CDK14: variants seen among roughly 807,000 people sequenced by gnomAD.
The protein encoded by CDK14 is cyclin dependent kinase 14.
In CDK14, 34 loss-of-function variants were observed where a neutral mutation model predicts 60.7. The observed-to-expected ratio is 0.56, with a 90% CI of 0.43 to 0.75. The LOEUF (loss-of-function observed/expected upper bound fraction) is 0.75. Ranked by LOEUF, CDK14 falls within the 30% of genes least tolerant of loss-of-function variation. CDK14 has a pLI of 0.00. For synonymous variants in CDK14, 197 were observed against 203.7 expected (o/e 0.97, Z 0.28); for missense variants, 482 against 564.1 (o/e 0.85, Z 1.47).
chr7:91,132,965 C>G (rs1800162792), intron 14 of CDK14, among the ~76,000 whole-genome samples: 1 of 151,994 alleles, frequency 6.6e-6, no homozygotes, highest in South Asian at 2.1e-4. Flanking sequence ...AAAGAATATG[C>G]CTTTTCTATT....
intron 2 of CDK14, among the ~76,000 whole-genome samples, chr7:90,659,867 CTCTCTCTCTGTG>C (rs1259751229): frequency 2.0e-5 from 3 of 148,678 alleles, no homozygotes; most frequent in Non-Finnish European, 4.5e-5. Flanking sequence ...CTCTCTCTCT[CTCTCTCTCTGTG>C]TGTGTGTGTG....
intron 5 of CDK14, among the ~76,000 whole-genome samples, chr7:90,820,166 G>A (rs1789494425): frequency 6.6e-6 from 1 of 152,130 alleles, no homozygotes; most frequent in Non-Finnish European, 1.5e-5. Flanking sequence ...GACCCTTGCA[G>A]CACTTAACTG....
chr7:90,949,125 T>A (rs1038225501), intron 8 of CDK14, among the ~76,000 whole-genome samples: 2 of 152,234 alleles, frequency 1.3e-5, no homozygotes, highest in Non-Finnish European at 2.9e-5. Flanking sequence ...TTTGGAATGC[T>A]TATATTAAAA....
At chr7:90,846,930 A>G (rs1790488595) in intron 5 of CDK14, among the ~76,000 whole-genome samples, 1 of 152,084 alleles carries the variant, frequency 6.6e-6, no homozygotes, top group African/African-American at 2.4e-5. Context: ...CCATTTCCCC[A>G]AAGCTCTCCT....
chr7:90,912,245 G>A (rs1242584196), intron 7 of CDK14, among the ~76,000 whole-genome samples: 5 of 152,012 alleles, frequency 3.3e-5, no homozygotes, highest in Admixed American at 1.3e-4. Context: ...AGTTCAGCAC[G>A]TGAATTTGTC....
intron 4 of CDK14, among the ~76,000 whole-genome samples, chr7:90,788,577 TA>T (rs1374804512): frequency 6.6e-6 from 1 of 152,208 alleles, no homozygotes. Flanking sequence ...TGGAGCCTTA[TA>T]ATCAGGTCTC....
chr7:91,153,662 C>A (rs1364095668), intron 14 of CDK14, among the ~76,000 whole-genome samples: 3 of 151,972 alleles, frequency 2.0e-5, no homozygotes, highest in East Asian at 3.9e-4. Context: ...TTCTTACTTA[C>A]AAGTCAGAAG....
chr7:90,674,394 G>A (rs1563040250), intron 2 of CDK14, among the ~76,000 whole-genome samples: 2 of 152,162 alleles, frequency 1.3e-5, no homozygotes, highest in Admixed American at 6.5e-5. Flanking sequence ...TATCAGTCTT[G>A]AGAGAGGATA....
chr7:90,628,021 C>T (rs1799911366), intron 2 of CDK14, among the ~76,000 whole-genome samples: 1 of 152,204 alleles, frequency 6.6e-6, no homozygotes, highest in Non-Finnish European at 1.5e-5. Context: ...GTGGTGCAAT[C>T]ATGGCTCACT....
chr7:90,957,529 A>G (rs1794466303), intron 9 of CDK14, among the ~76,000 whole-genome samples: 1 of 151,938 alleles, frequency 6.6e-6, no homozygotes, highest in Non-Finnish European at 1.5e-5. Flanking sequence ...TCAATGTACA[A>G]AAATCACAAG....
intron 2 of CDK14, among the ~76,000 whole-genome samples, chr7:90,629,621 T>C (rs1799949577): frequency 6.6e-6 from 1 of 152,216 alleles, no homozygotes; most frequent in Admixed American, 6.5e-5. Flanking sequence ...CATTCTGTAG[T>C]GTACAGAACA....
chr7:90,951,193 T>G (rs1794250536), intron 8 of CDK14, among the ~76,000 whole-genome samples: 1 of 152,206 alleles, frequency 6.6e-6, no homozygotes, highest in African/African-American at 2.4e-5. Flanking sequence ...TTATGTCTGT[T>G]TGGAGTCAAG....
chr7:90,950,847 C>A (rs1359227220), intron 8 of CDK14, among the ~76,000 whole-genome samples: 1 of 152,030 alleles, frequency 6.6e-6, no homozygotes, highest in Non-Finnish European at 1.5e-5. Flanking sequence ...TTCAGGGAAA[C>A]CTTGTCAAGT....
At chr7:90,651,685 C>T (rs1280079133) in intron 2 of CDK14, among the ~76,000 whole-genome samples, 1 of 152,050 alleles carries the variant, frequency 6.6e-6, no homozygotes, top group Non-Finnish European at 1.5e-5. Context: ...TGCCAGGTGA[C>T]AGTCATACCA....
intron 5 of CDK14, among the ~76,000 whole-genome samples, chr7:90,812,896 A>G (rs1367898708): frequency 6.6e-6 from 1 of 152,162 alleles, no homozygotes; most frequent in East Asian, 1.9e-4. Flanking sequence ...CATATGACCC[A>G]GTGACTTCAC....
At chr7:91,006,801 A>C (rs1169389263) in intron 10 of CDK14, among the ~76,000 whole-genome samples, 1 of 152,204 alleles carries the variant, frequency 6.6e-6, no homozygotes, top group African/African-American at 2.4e-5. Flanking sequence ...CATCGTTTTC[A>C]ACTTGCCTTT....
At position 91,203,523 on chromosome 7, in the gene CDK14, T is replaced by C. The variant is rs75074587; in HGVS notation, c.*29-3642T>C. On this transcript the variant is annotated intron_variant, in intron 14 of 14. Transcript: ENST00000380050. ...ATGAAGTCTCTGGTTCAGGAAGTCA[T>C]TGTGGGTACCAGGTCTCCATTCTGT... Among the ~76,000 whole-genome samples, 59 of 152,266 alleles carry C rather than the reference T, an allele frequency of 3.9e-4. 3 individuals are homozygous for C. The East Asian group carries it at 0.011, about 28-fold the overall frequency.
At chr7:90,800,139 C>G (rs989223958) in intron 5 of CDK14, among the ~76,000 whole-genome samples, 1 of 152,120 alleles carries the variant, frequency 6.6e-6, no homozygotes, top group Non-Finnish European at 1.5e-5. Flanking sequence ...TCCACCTTCT[C>G]TCTCTTCCTT....
At chr7:91,025,793 C>A (rs1434618534) in intron 10 of CDK14, among the ~76,000 whole-genome samples, 5 of 152,232 alleles carry the variant, frequency 3.3e-5, no homozygotes, top group Non-Finnish European at 7.3e-5. Flanking sequence ...TGAAGGTTTT[C>A]TTCCTTTTTC....
Sources: gnomAD v4.1 joint callset for allele counts (sites outside exome capture counted in the v4.1 genomes callset) on GRCh38, gnomAD v4.1.1 for gene constraint, MANE v1.5 for transcripts, NCBI Gene and HGNC (gene_info 2026-07-23, HGNC 2026-07-21) for gene names.